MYRFL: variants seen among roughly 807,000 people sequenced by gnomAD.
MYRFL encodes the protein myelin regulatory factor-like protein.
Under a neutral mutation model 109.4 loss-of-function variants are expected in MYRFL, and 88 were observed. The ratio of observed to expected loss-of-function variants is 0.80; its 90% CI spans 0.68 to 0.96. The LOEUF (loss-of-function observed/expected upper bound fraction) is 0.96. Ranked by LOEUF, MYRFL falls within the 40% of genes least tolerant of loss-of-function variation. The pLI is 0.00. For synonymous variants in MYRFL, 324 were observed against 320.9 expected (o/e 1.01, Z -0.10); for missense variants, 957 against 954.9 (o/e 1.00, Z -0.03).
At chr12:69,936,431 C>T in intron 18 of MYRFL, 22 bp from the exon 19 acceptor site, 3 of 1,530,760 alleles carry the variant, frequency 2.0e-6, no homozygotes, top group South Asian at 1.2e-5. Flanking sequence ...GCTTCCCCTC[C>T]CCCCTGCCCA....
intron 19 of MYRFL, among the ~76,000 whole-genome samples, chr12:69,950,387 G>A (rs1955945808): frequency 6.6e-6 from 1 of 152,100 alleles, no homozygotes; most frequent in South Asian, 2.1e-4. Flanking sequence ...ACTCTAAAGG[G>A]ATTATTCTAT....
chr12:69,928,023 C>T (rs1240890066), intron 15 of MYRFL, among the ~76,000 whole-genome samples: 1 of 152,152 alleles, frequency 6.6e-6, no homozygotes, highest in East Asian at 1.9e-4. Flanking sequence ...AGTCAGCAGC[C>T]TCGTCATACA....
Position 69,871,319 on chromosome 12 carries a change from G to A in MYRFL, c.138-7709G>A, listed in dbSNP as rs181276623. 2.4e-4 allele frequency among the ~76,000 whole-genome samples: 34 copies of A among 143,370 alleles called. No homozygotes were observed. The East Asian group carries it at 6.3e-3, about 27-fold the overall frequency. The allele number at this position is 143,370 out of a possible 152,430, so 94.1% of individuals were successfully genotyped here. On this transcript the variant is annotated intron_variant, in intron 2 of 24. Transcript: ENST00000552032. The stretch of plus-strand genomic sequence containing the variant: ...ACAATCTTGGCTCACTGCAAGCTCC[G>A]CCTCCCGGGTTCACGCCATTCTGCC...
At chr12:69,937,370 G>C (rs1592868003) in intron 19 of MYRFL, among the ~76,000 whole-genome samples, 2 of 152,154 alleles carry the variant, frequency 1.3e-5, no homozygotes, top group East Asian at 1.9e-4. Context: ...TATTGATTAG[G>C]ATACTGTCAT....
chr12:69,842,057 C>A (rs1378352572), intron 1 of MYRFL, among the ~76,000 whole-genome samples: 1 of 152,188 alleles, frequency 6.6e-6, no homozygotes, highest in Non-Finnish European at 1.5e-5. Flanking sequence ...TAAGCCCTAG[C>A]CTGACTATAG....
intron 9 of MYRFL, among the ~76,000 whole-genome samples, chr12:69,896,718 G>A (rs996378622): frequency 6.6e-6 from 1 of 152,196 alleles, no homozygotes. Flanking sequence ...TTAAGGCCCA[G>A]GCCATGTGGC....
At chr12:69,938,976 A>T (rs4548667) in intron 19 of MYRFL, among the ~76,000 whole-genome samples, 1 of 151,980 alleles carries the variant, frequency 6.6e-6, no homozygotes, top group Non-Finnish European at 1.5e-5. Flanking sequence ...AATACTGCGC[A>T]TTTCCGACGG....
chr12:69,902,663 T>A (rs532868007), intron 10 of MYRFL, among the ~76,000 whole-genome samples: 1 of 152,332 alleles, frequency 6.6e-6, no homozygotes, highest in Non-Finnish European at 1.5e-5. Flanking sequence ...TACATCATAA[T>A]TTTAAAAACA....
chr12:69,862,007 T>C (rs1884707327), intron 2 of MYRFL, among the ~76,000 whole-genome samples: 1 of 150,052 alleles, frequency 6.7e-6, no homozygotes, highest in Non-Finnish European at 1.5e-5. Flanking sequence ...AAATAGGGAA[T>C]CCTTTCCCCA....
At chr12:69,857,149 G>T (rs946587068) in intron 2 of MYRFL, among the ~76,000 whole-genome samples, 1 of 151,606 alleles carries the variant, frequency 6.6e-6, no homozygotes, top group African/African-American at 2.4e-5. Context: ...AATTACCTTT[G>T]CACAGTTGTA....
intron 6 of MYRFL, among the ~76,000 whole-genome samples, chr12:69,889,456 C>CT (rs747414083): frequency 1.3e-4 from 20 of 152,014 alleles, no homozygotes; most frequent in Admixed American, 7.9e-4. Flanking sequence ...GATTTGGGAA[C>CT]TTTTTTGGAT....
In MYRFL at chr12:69,903,566, C is replaced by G. The variant is rs1954257390; in HGVS notation, c.1183-78C>G. The G allele has an allele frequency of 3.6e-6, 5 of 1,395,574 alleles. No homozygotes were observed. In the South Asian group the frequency reaches 6.7e-5, roughly 19 times the overall value. 86.4% of individuals were successfully genotyped at this position (1,395,574 alleles called of 1,614,324 possible). On this transcript the variant is annotated intron_variant, in intron 10 of 24. Transcript: ENST00000552032. Reference sequence around the variant, plus strand: ...AAGACTTAGATAATATTCAGTTTGCCTTTGCTCTGAACACTAATGTGATCA... The same window carrying G: ...AAGACTTAGATAATATTCAGTTTGCGTTTGCTCTGAACACTAATGTGATCA...
At chr12:69,901,014 C>G (rs1954165407) in intron 10 of MYRFL, among the ~76,000 whole-genome samples, 1 of 152,162 alleles carries the variant, frequency 6.6e-6, no homozygotes, top group South Asian at 2.1e-4. Flanking sequence ...CTTAATCCCA[C>G]AATAACCCTA....
chr12:69,849,735 T>C (rs1883770022), intron 1 of MYRFL, among the ~76,000 whole-genome samples: 1 of 152,222 alleles, frequency 6.6e-6, no homozygotes, highest in Non-Finnish European at 1.5e-5. Flanking sequence ...GCAATTTGAT[T>C]TTTTAATTGT....
chr12:69,835,619 G>C (rs1425972525), intron 1 of MYRFL, among the ~76,000 whole-genome samples: 1 of 152,252 alleles, frequency 6.6e-6, no homozygotes, highest in Non-Finnish European at 1.5e-5. Flanking sequence ...TAGATGGAAA[G>C]AGAGAAGACA....
intron 5 of MYRFL, among the ~76,000 whole-genome samples, chr12:69,881,589 A>G (rs1886116275): frequency 6.6e-6 from 1 of 152,174 alleles, no homozygotes. Context: ...TGGGCTGTGG[A>G]GGCCTTCTGT....
Position 69,825,273 on chromosome 12 carries a change from C to A in MYRFL, c.-245C>A. 1 of 664,890 alleles carries A rather than the reference C, an allele frequency of 1.5e-6. No individual in the cohort carries two copies. Among genetic ancestry groups the A allele is most frequent in the Non-Finnish European group, 2.7e-6 (1 of 367,104 alleles). The allele number at this position is 664,890 out of a possible 1,614,324, so 41.2% of individuals were successfully genotyped here. A position where few individuals can be genotyped will look rare whatever the true frequency, so the allele number is the denominator to read the frequency against. On this transcript the variant is annotated 5_prime_UTR_variant, in exon 1 of 25. Transcript: ENST00000552032. ...ATTAAGACAGATGAATTTGCTACCT[C>A]TTCCCTCTTCATGAATTTTTTTTAA... is the stretch of plus-strand genomic sequence containing the variant.
intron 15 of MYRFL, among the ~76,000 whole-genome samples, chr12:69,930,184 G>A (rs1955225689): frequency 6.6e-6 from 1 of 152,130 alleles, no homozygotes; most frequent in Non-Finnish European, 1.5e-5. Context: ...TGAGTGGGGA[G>A]TGGTATTCTG....
At chr12:69,917,383 C>CTTTTTTTTTTTTTTTTTTT (rs56118035) in intron 13 of MYRFL, among the ~76,000 whole-genome samples, 6 of 102,514 alleles carry the variant, frequency 5.9e-5, no homozygotes, top group Admixed American at 1.2e-4. Context: ...TATTCACTGA[C>CTTTTTTTTTTTTTTTTTTT]TTTTTTTTTT....
Sources: gnomAD v4.1 joint callset for allele counts (sites outside exome capture counted in the v4.1 genomes callset) on GRCh38, gnomAD v4.1.1 for gene constraint, MANE v1.5 for transcripts, NCBI Gene and HGNC (gene_info 2026-07-23, HGNC 2026-07-21) for gene names.